Variants in GSE1 observed in about 807,000 individuals in gnomAD.
The protein encoded by GSE1 is genetic suppressor element 1.
GSE1 carries 32 observed loss-of-function variants against 112.6 expected under a neutral mutation model. The ratio of observed to expected loss-of-function variants is 0.28; its 90% CI spans 0.21 to 0.38. The LOEUF is 0.38. Among genes scored for constraint, GSE1 ranks in the 10% least tolerant of loss-of-function variants. The probability of loss-of-function intolerance (pLI) is 1.00; values close to 1 mark genes in which losing one functional copy is unlikely to be tolerated. For synonymous variants in GSE1, 1,115 were observed against 735.6 expected, an observed-to-expected ratio of 1.52 and a Z score of -8.35; for missense variants, 2,348 against 1,699.2, an observed-to-expected ratio of 1.38 and a Z score of -6.71.
At chr16:85,250,733 A>C (rs988642025) in intron 1 of GSE1, among the ~76,000 whole-genome samples, 1 of 152,206 alleles carries the variant, frequency 6.6e-6, no homozygotes, top group Non-Finnish European at 1.5e-5. Context: ...TTTTGAGGAT[A>C]TTCACAGAGT....
In GSE1 at chr16:85,521,195, G is replaced by A. The variant is rs149825943; in HGVS notation, c.2465-112719G>A. On this transcript the variant is annotated intron_variant, in intron 2 of 2. Coordinates refer to the GSE1 transcript ENST00000637419. ...ATCCGCTGATACTTGATGTGGTCCC[G>A]GGGCAGGGTCAGAGATCAGAGGCAC... is the stretch of plus-strand genomic sequence containing the variant. Among the ~76,000 whole-genome samples, 10 of 152,284 alleles carry A rather than the reference G, an allele frequency of 6.6e-5. No homozygotes were observed. The East Asian group carries it at 1.5e-3, about 23-fold the overall frequency.
chr16:85,210,046 C>T (rs1224104120), intron 1 of GSE1, among the ~76,000 whole-genome samples: 2 of 152,194 alleles, frequency 1.3e-5, no homozygotes, highest in Admixed American at 6.5e-5. Flanking sequence ...TATTAGCATA[C>T]CAAAAAGATG....
Position 85,393,732 on chromosome 16 carries a change from C to T in GSE1, c.2464+36089C>T, listed in dbSNP as rs529122407. 2.6e-5 allele frequency among the ~76,000 whole-genome samples: 4 copies of T among 152,340 alleles called. No individual in the cohort carries two copies. In the South Asian group the frequency reaches 8.3e-4, roughly 32 times the overall value. Reference sequence around the variant, plus strand: ...GCAGCAGGCGGTTCAGGGTTCTGATCTTCTTAGGGGCCCAGTCCAGAATGA... The same window carrying T: ...GCAGCAGGCGGTTCAGGGTTCTGATTTTCTTAGGGGCCCAGTCCAGAATGA... On this transcript the variant is annotated intron_variant, in intron 2 of 2. Transcript: ENST00000637419.
chr16:85,555,453 T>C, upstream of GSE1: 2 of 984,690 alleles, frequency 2.0e-6, no homozygotes, highest in Non-Finnish European at 2.4e-6. Context: ...CAGCCTGCTT[T>C]CTCCTGCCGG....
At chr16:85,229,529 T>C (rs2075546246) in intron 1 of GSE1, among the ~76,000 whole-genome samples, 1 of 152,226 alleles carries the variant, frequency 6.6e-6, no homozygotes, top group Admixed American at 6.5e-5. Context: ...TGTTTTCATG[T>C]GTACTAAACG....
intron 1 of GSE1, among the ~76,000 whole-genome samples, chr16:85,175,393 A>G (rs1009242477): frequency 1.3e-5 from 2 of 152,206 alleles, no homozygotes; most frequent in African/African-American, 4.8e-5. Flanking sequence ...AAACCCTGGA[A>G]GGACCCCGGG....
At chr16:85,248,254 CT>C (rs1442121032) in intron 1 of GSE1, among the ~76,000 whole-genome samples, 3 of 152,198 alleles carry the variant, frequency 2.0e-5, no homozygotes, top group African/African-American at 7.2e-5. Flanking sequence ...CTCTGCCTCC[CT>C]TTACCTTTCC....
chr16:85,614,544 T>A lies in GSE1; in HGVS notation c.7+1146T>A, dbSNP rs542472547. 7.8e-4 allele frequency among the ~76,000 whole-genome samples: 118 copies of A among 152,156 alleles called. 1 individual carries two copies. Among genetic ancestry groups the A allele is most frequent in the Middle Eastern group, 3.4e-3 (1 of 294 alleles). On this transcript the variant is annotated intron_variant, in intron 1 of 15. Transcript: ENST00000253458. ...GGGGGGAAGGGACACCGCGACACCC[T>A]CATTAGATGGGGGAGTGGAGGCTGC...
intron 12 of GSE1, among the ~76,000 whole-genome samples, chr16:85,665,656 G>A (rs151316125): frequency 6.6e-6 from 1 of 152,196 alleles, no homozygotes; most frequent in Non-Finnish European, 1.5e-5. Flanking sequence ...GTGCGTCCCA[G>A]TCCTCGGCCC....
intron 1 of GSE1, among the ~76,000 whole-genome samples, chr16:85,293,809 C>G (rs2045289340): frequency 6.6e-6 from 1 of 152,230 alleles, no homozygotes; most frequent in South Asian, 2.1e-4. Flanking sequence ...GTGACCTTCT[C>G]TGTGTGTCTT....
chr16:85,647,672 C>T (rs1003807737), intron 2 of GSE1, among the ~76,000 whole-genome samples: 20 of 152,146 alleles, frequency 1.3e-4, no homozygotes, highest in African/African-American at 4.1e-4. Context: ...CCAGAACCTC[C>T]GCCTCCCGGG....
In GSE1 at chr16:85,373,162, G is replaced by A. The variant is rs2047338430; in HGVS notation, c.2464+15519G>A. 6.6e-6 allele frequency among the ~76,000 whole-genome samples: 1 copy of A among 152,238 alleles called. No individual in the cohort carries two copies. The highest frequency in any genetic ancestry group is 2.4e-5 in the African/African-American group (1 of 41,472). On this transcript the variant is annotated intron_variant, in intron 2 of 2. Transcript: ENST00000637419. The surrounding 1 kb of genome is among the most constrained non-coding windows in gnomAD (Gnocchi z 5.1). ...AACAGCAGCAGCCAATGTGGCCATGGGATGCCGGCTCCTTGTCCACCAGGG... is the reference window on the plus strand; with the variant it reads ...AACAGCAGCAGCCAATGTGGCCATGAGATGCCGGCTCCTTGTCCACCAGGG...
chr16:85,425,397 G>A (rs1219543740), intron 2 of GSE1, among the ~76,000 whole-genome samples: 1 of 152,074 alleles, frequency 6.6e-6, no homozygotes, highest in African/African-American at 2.4e-5. Context: ...GTGGAGGATG[G>A]ATCTGGGACT....
chr16:85,409,212 C>CG (rs2048416234), intron 2 of GSE1, among the ~76,000 whole-genome samples: 1 of 45,044 alleles, frequency 2.2e-5, no homozygotes, highest in Non-Finnish European at 4.2e-5. Flanking sequence ...ACTCAGGGCC[C>CG]CCCGGATAAT....
intron 1 of GSE1, among the ~76,000 whole-genome samples, chr16:85,280,610 G>A (rs936135670): frequency 3.9e-5 from 6 of 152,084 alleles, no homozygotes; most frequent in Non-Finnish European, 7.3e-5. Context: ...TGGCCAGGCC[G>A]CTCTCGAACT....
At chr16:85,331,609 GTATA>G (rs545154874) in intron 1 of GSE1, among the ~76,000 whole-genome samples, 1 of 80,274 alleles carries the variant, frequency 1.2e-5, no homozygotes, top group African/African-American at 4.1e-5. Context: ...GTGTATTTGT[GTATA>G]TATGTGTGTA....
intron 2 of GSE1, among the ~76,000 whole-genome samples, chr16:85,486,684 G>A (rs2050851269): frequency 6.6e-6 from 1 of 152,016 alleles, no homozygotes. Context: ...GCGCCGTCCC[G>A]CCCTCTCTCC....
intron 1 of GSE1, among the ~76,000 whole-genome samples, chr16:85,272,709 T>A (rs1306645872): frequency 6.6e-6 from 1 of 151,608 alleles, no homozygotes; most frequent in African/African-American, 2.4e-5. Context: ...CCTGAAGCTG[T>A]CCTTGCAAGG....
chr16:85,386,090 G>C (rs547824754), intron 2 of GSE1, among the ~76,000 whole-genome samples: 2 of 152,330 alleles, frequency 1.3e-5, no homozygotes, highest in Non-Finnish European at 2.9e-5. Context: ...TCTGTGACAG[G>C]TCAGGGTTGA....
Sources: gnomAD v4.1 joint callset for allele counts (sites outside exome capture counted in the v4.1 genomes callset) on GRCh38, gnomAD v4.1.1 for gene constraint, Gnocchi (gnomAD v3.1) non-coding constraint, MANE v1.5 for transcripts, NCBI Gene and HGNC (gene_info 2026-07-23, HGNC 2026-07-21) for gene names.